DOCK1: variants seen among roughly 807,000 people sequenced by gnomAD.
DOCK1 encodes dedicator of cytokinesis 1, also known as dedicator of cytokinesis protein 1.
Under a neutral mutation model 262.7 loss-of-function variants are expected in DOCK1, and 138 were observed. The observed-to-expected ratio is 0.53, with a 90% confidence interval of 0.46 to 0.61. DOCK1 has a LOEUF of 0.61. Among genes scored for constraint, DOCK1 ranks in the 20% least tolerant of loss-of-function variants. The probability of loss-of-function intolerance (pLI) is 0.00; values close to 1 mark genes in which losing one functional copy is unlikely to be tolerated. For missense variants in DOCK1, 1,908 were observed against 2,370.7 expected (o/e 0.80, Z 4.05); for synonymous variants, 866 against 867.4 (o/e 1.00, Z 0.03).
At chr10:127,145,422 G>A (rs931561605) in intron 27 of DOCK1, among the ~76,000 whole-genome samples, 43 of 152,216 alleles carry the variant, frequency 2.8e-4, no homozygotes, top group Admixed American at 1.4e-3. Context: ...TTTCTGAGAC[G>A]TAGCCTGCAG....
chr10:127,395,011 T>C (rs749429854), intron 38 of DOCK1, among the ~76,000 whole-genome samples: 69 of 152,052 alleles, frequency 4.5e-4, no homozygotes, highest in Non-Finnish European at 8.4e-4. Context: ...TCTTGAAGAG[T>C]AAAATTAAGT....
intron 27 of DOCK1, among the ~76,000 whole-genome samples, chr10:127,190,157 T>A (rs1240435696): frequency 6.6e-6 from 1 of 152,260 alleles, no homozygotes; most frequent in African/African-American, 2.4e-5. Flanking sequence ...AAAGACATTC[T>A]TTCTCTAAAA....
intron 25 of DOCK1, among the ~76,000 whole-genome samples, chr10:127,112,883 CTT>C (rs774422239): frequency 1.3e-5 from 2 of 152,172 alleles, no homozygotes; most frequent in Admixed American, 6.5e-5. Flanking sequence ...CATTTACTGT[CTT>C]TGAGTTTTAA....
chr10:127,296,635 T>C (rs558356740), intron 29 of DOCK1, among the ~76,000 whole-genome samples: 1 of 152,346 alleles, frequency 6.6e-6, no homozygotes, highest in African/African-American at 2.4e-5. Flanking sequence ...AGAGTGTGTT[T>C]GCTTCTCTGT....
Position 127,105,592 on chromosome 10 carries a change from C to T in DOCK1, c.2446-639C>T, listed in dbSNP as rs183381689. 6.6e-3 allele frequency among the ~76,000 whole-genome samples: 1,006 copies of T among 152,262 alleles called. 6 individuals carry two copies. Among genetic ancestry groups the T allele is most frequent in the Admixed American group, 0.012 (181 of 15,288 alleles). On this transcript the variant is annotated intron_variant, in intron 23 of 51. Transcript: ENST00000623213. ...ACAGGTCTTCATTTTGCTTTATCCT[C>T]ACAGAGCTCTGCAGGGGTAAAAGGA...
chr10:126,994,963 A>G (rs2040068178), intron 6 of DOCK1, among the ~76,000 whole-genome samples: 1 of 146,978 alleles, frequency 6.8e-6, no homozygotes, highest in Non-Finnish European at 1.5e-5. Flanking sequence ...CACTTCTCAG[A>G]TGGGGCGGCC....
intron 27 of DOCK1, among the ~76,000 whole-genome samples, chr10:127,201,216 C>T (rs1010895972): frequency 1.3e-5 from 2 of 152,188 alleles, no homozygotes; most frequent in African/African-American, 4.8e-5. Context: ...GCATCATTCC[C>T]CTTGTCATAT....
At chr10:127,314,160 C>T (rs770304956) in intron 29 of DOCK1, among the ~76,000 whole-genome samples, 4 of 152,170 alleles carry the variant, frequency 2.6e-5, no homozygotes, top group Admixed American at 6.5e-5. Flanking sequence ...CCTGGGGATC[C>T]GAATAATGCC....
In DOCK1 at chr10:127,032,238, G is replaced by A. The variant is rs769077651; in HGVS notation, c.1830G>A (p.Met610Ile). 2 of 1,601,070 alleles carry A rather than the reference G, an allele frequency of 1.2e-6. No individual in the cohort carries two copies. The highest frequency in any genetic ancestry group is 2.3e-5 in the South Asian group (2 of 88,310). ...EKGHSATGKS[M>I]QSLGSCTISK... The stretch of plus-strand genomic sequence containing the variant: ...GCCACTCGGCCACCGGCAAGAGCAT[G>A]CAGAGCCTTGGGAGCTGCACCATTA... The change falls in exon 18 of 52, where the codon ATG (methionine) becomes ATA (isoleucine). Residue 610 changes from methionine to isoleucine, a missense_variant. Met to Ile is a conservative substitution (Grantham distance 10). Coordinates refer to ENST00000623213, the MANE Select transcript of DOCK1 (RefSeq NM_001290223.2).
chr10:127,375,785 GT>G (rs1242134828), intron 35 of DOCK1, among the ~76,000 whole-genome samples: 3 of 152,150 alleles, frequency 2.0e-5, no homozygotes, highest in Non-Finnish European at 4.4e-5. Flanking sequence ...TAGGGGACCA[GT>G]TTTTGGTCCA....
intron 29 of DOCK1, among the ~76,000 whole-genome samples, chr10:127,298,410 A>T (rs889858388): frequency 6.6e-6 from 1 of 152,182 alleles, no homozygotes; most frequent in Non-Finnish European, 1.5e-5. Flanking sequence ...AACTGAAATG[A>T]AATCTTTTTG....
chr10:127,205,855 C>G (rs1211553405), intron 27 of DOCK1, among the ~76,000 whole-genome samples: 1 of 152,174 alleles, frequency 6.6e-6, no homozygotes, highest in Admixed American at 6.5e-5. Context: ...TACTTCTTGA[C>G]AAGCATGAAT....
chr10:127,042,589 G>A (rs2044092008), intron 19 of DOCK1, 36 bp from the exon 20 acceptor site: 4 of 1,592,164 alleles, frequency 2.5e-6, no homozygotes, highest in African/African-American at 1.3e-5. Flanking sequence ...AGTCCGGTGG[G>A]TTCACATTGT....
intron 23 of DOCK1, among the ~76,000 whole-genome samples, chr10:127,071,673 G>A (rs2046242198): frequency 6.6e-6 from 1 of 152,108 alleles, no homozygotes; most frequent in Non-Finnish European, 1.5e-5. Flanking sequence ...CAGAACATGT[G>A]CCTGAATTGA....
chr10:127,052,862 G>A (rs747251839), intron 22 of DOCK1, 47 bp downstream of exon 22: 1 of 1,569,266 alleles, frequency 6.4e-7, no homozygotes, highest in South Asian at 1.2e-5. Context: ...GGACTGGCAG[G>A]AGATCCTTCA....
intron 15 of DOCK1, 107 bp downstream of exon 15, chr10:127,024,890 C>A: frequency 1.1e-6 from 1 of 915,936 alleles, no homozygotes; most frequent in Non-Finnish European, 1.6e-6. Context: ...CTGCTCCAGG[C>A]AGGCAGAGTG....
intron 29 of DOCK1, among the ~76,000 whole-genome samples, chr10:127,288,525 C>T (rs2061238538): frequency 6.6e-6 from 1 of 151,846 alleles, no homozygotes. Context: ...TAAGGAAATA[C>T]ATTTTCCATA....
chr10:127,244,983 A>C (rs888435425), intron 27 of DOCK1, among the ~76,000 whole-genome samples: 1 of 152,198 alleles, frequency 6.6e-6, no homozygotes, highest in Non-Finnish European at 1.5e-5. Flanking sequence ...TTAAAGTTTT[A>C]TTTTCACAGA....
At chr10:126,935,805 G>A (rs1197732401) in intron 1 of DOCK1, among the ~76,000 whole-genome samples, 1 of 152,218 alleles carries the variant, frequency 6.6e-6, no homozygotes, top group African/African-American at 2.4e-5. Context: ...ACTCCATGAG[G>A]ATAAGGGCAG....
Sources: gnomAD v4.1 joint callset for allele counts (sites outside exome capture counted in the v4.1 genomes callset) on GRCh38, gnomAD v4.1.1 for gene constraint, MANE v1.5 for transcripts, NCBI Gene and HGNC (gene_info 2026-07-23, HGNC 2026-07-21) for gene names.